The following SLIT3 variants were observed in gnomAD, a reference collection of about 807,000 sequenced individuals.
The protein encoded by SLIT3 is slit homolog 3 protein.
A neutral mutation model predicts 184.0 loss-of-function variants in SLIT3; 68 were observed. That is an observed-to-expected ratio of 0.37 (90% CI 0.30 to 0.45). The LOEUF (loss-of-function observed/expected upper bound fraction) is 0.45, where lower values mean the gene tolerates loss of function less well. SLIT3 is among the 20% of genes least tolerant of loss of function. The probability of loss-of-function intolerance (pLI) is 1.00; values close to 1 mark genes in which losing one functional copy is unlikely to be tolerated. For missense variants in SLIT3, 1,707 were observed against 2,026.0 expected (o/e 0.84, Z 3.02); for synonymous variants, 831 against 828.6 (o/e 1.00, Z -0.05).
At chr5:168,999,091 G>T (rs1209532745) in intron 4 of SLIT3, among the ~76,000 whole-genome samples, 3 of 152,040 alleles carry the variant, frequency 2.0e-5, no homozygotes, top group African/African-American at 7.2e-5. Context: ...TTTTAAATTT[G>T]TTTTTTTAGA....
At chr5:168,868,248 G>T (rs1759378011) in intron 5 of SLIT3, among the ~76,000 whole-genome samples, 2 of 152,122 alleles carry the variant, frequency 1.3e-5, no homozygotes, top group Non-Finnish European at 2.9e-5. Flanking sequence ...CACCTACTTT[G>T]TGCCAGGCTC....
intron 4 of SLIT3, among the ~76,000 whole-genome samples, chr5:168,965,989 T>TC (rs1763173372): frequency 6.6e-6 from 1 of 151,828 alleles, no homozygotes; most frequent in African/African-American, 2.4e-5. Context: ...AGCGTGTGGT[T>TC]CTCTTACCTA....
chr5:169,273,443 GA>G (rs1402158927), intron 1 of SLIT3, among the ~76,000 whole-genome samples: 1 of 152,188 alleles, frequency 6.6e-6, no homozygotes, highest in Non-Finnish European at 1.5e-5. Flanking sequence ...TTGCCCAGGA[GA>G]AAGTCATGCA....
At chr5:168,956,728 G>A (rs1350457180) in intron 4 of SLIT3, among the ~76,000 whole-genome samples, 1 of 152,046 alleles carries the variant, frequency 6.6e-6, no homozygotes, top group Non-Finnish European at 1.5e-5. Context: ...AGGAGGCAGA[G>A]GTTGCAGTGA....
At position 168,664,682 on chromosome 5, in the gene SLIT3, C is replaced by T. The variant is rs954526300; in HGVS notation, c.*1772G>A. 1 of 152,226 alleles carries T rather than the reference C, an allele frequency of 6.6e-6. No individual in the cohort carries two copies. The highest frequency in any genetic ancestry group is 1.5e-5 in the Non-Finnish European group (1 of 68,100). The allele number at this position is 152,226 out of a possible 1,614,324, so 9.4% of individuals were successfully genotyped here. ...GTCCAATGAATTCCAAACTCTTCTCCCTGAAACTCCTACAGTGGAAGCTCC... is the reference window on the plus strand; with the variant it reads ...GTCCAATGAATTCCAAACTCTTCTCTCTGAAACTCCTACAGTGGAAGCTCC... On this transcript the variant is annotated 3_prime_UTR_variant, in exon 36 of 36. Coordinates refer to ENST00000519560, the MANE Select transcript of SLIT3 (RefSeq NM_003062.4).
intron 4 of SLIT3, among the ~76,000 whole-genome samples, chr5:168,885,586 G>C (rs936544932): frequency 5.3e-5 from 8 of 152,192 alleles, no homozygotes; most frequent in African/African-American, 1.9e-4. Flanking sequence ...AATGAAGCTG[G>C]TCTGTAGGCC....
At chr5:169,238,648 G>A (rs887732473) in intron 3 of SLIT3, among the ~76,000 whole-genome samples, 8 of 146,988 alleles carry the variant, frequency 5.4e-5, no homozygotes, top group Non-Finnish European at 8.9e-5. Context: ...TGACTCTTCT[G>A]GTGAATTCTA....
intron 1 of SLIT3, among the ~76,000 whole-genome samples, chr5:169,296,742 T>C (rs717594): frequency 0.018 from 2,705 of 152,352 alleles, 40 homozygotes; most frequent in Middle Eastern, 0.068. Flanking sequence ...GAAAATTAAG[T>C]TACCACATTC....
intron 1 of SLIT3, among the ~76,000 whole-genome samples, chr5:169,280,038 C>T (rs1330666622): frequency 1.3e-5 from 2 of 152,198 alleles, no homozygotes; most frequent in Non-Finnish European, 2.9e-5. Flanking sequence ...CGGAGATTTG[C>T]CCAGGATTAT....
intron 4 of SLIT3, among the ~76,000 whole-genome samples, chr5:168,979,571 T>A (rs1206164080): frequency 6.6e-6 from 1 of 152,218 alleles, no homozygotes; most frequent in African/African-American, 2.4e-5. Context: ...TCTCCAAGAA[T>A]GAGTTTTCCA....
intron 5 of SLIT3, among the ~76,000 whole-genome samples, chr5:168,856,284 G>A (rs1758861783): frequency 6.6e-6 from 1 of 152,188 alleles, no homozygotes; most frequent in Admixed American, 6.5e-5. Flanking sequence ...GGAACTTTAT[G>A]AGACCACCCC....
chr5:168,711,305 T>G (rs1762552649), intron 24 of SLIT3, among the ~76,000 whole-genome samples: 1 of 152,150 alleles, frequency 6.6e-6, no homozygotes, highest in African/African-American at 2.4e-5. Context: ...CCTACGCAAG[T>G]AAGACTCACT....
chr5:168,841,062 T>C (rs1758229905), intron 6 of SLIT3, among the ~76,000 whole-genome samples: 1 of 152,198 alleles, frequency 6.6e-6, no homozygotes, highest in South Asian at 2.1e-4. Context: ...GAGTCATTGC[T>C]AGTTTGCCTC....
At chr5:168,920,562 G>A (rs184339582) in intron 4 of SLIT3, among the ~76,000 whole-genome samples, 7 of 152,244 alleles carry the variant, frequency 4.6e-5, no homozygotes, top group East Asian at 1.9e-4. Context: ...ACAGCTCCCC[G>A]ACTTCCTTAT....
At chr5:169,009,500 C>G (rs148036726) in intron 4 of SLIT3, among the ~76,000 whole-genome samples, 246 of 152,360 alleles carry the variant, frequency 1.6e-3, no homozygotes, top group African/African-American at 5.6e-3. Context: ...CCCCCTGGCC[C>G]CACCCAGACA....
At chr5:168,907,268 T>C (rs993694076) in intron 4 of SLIT3, among the ~76,000 whole-genome samples, 7 of 152,198 alleles carry the variant, frequency 4.6e-5, no homozygotes, top group Admixed American at 1.3e-4. Flanking sequence ...AGCCACAGCT[T>C]TGGGTCAGCT....
intron 5 of SLIT3, among the ~76,000 whole-genome samples, chr5:168,881,966 G>A (rs1466946): frequency 0.31 from 47,318 of 152,002 alleles, 9,884 homozygotes; most frequent in African/African-American, 0.59. Flanking sequence ...AGCCCCTTGC[G>A]AAGTCCTCTC....
rs776454463 is a variant in SLIT3 at position 168,749,583 on chromosome 5, T to G, written c.2026A>C (p.Lys676Gln). 1.9e-6 allele frequency: 3 copies of G among 1,614,064 alleles called. No homozygotes were observed. The African/African-American group carries it at 4.0e-5, about 22-fold the overall frequency. ...ACGATCCGCCTCTTCCTCAACCACT[T>G]GCCGAGCCAGGCCAGGTGGCAGTTG... ...NCNCHLAWLGKWLRKRRIVSG... is the reference protein window; with the variant it reads ...NCNCHLAWLGQWLRKRRIVSG... The change falls in exon 19 of 36, where the codon AAG (lysine) becomes CAG (glutamine). Residue 676 changes from lysine (K) to glutamine (Q), a missense_variant. Around this residue, in one of 3 missense-constraint regions of SLIT3, gnomAD observed 1,307 missense variants for 1,511.6 expected, o/e 0.86. Transcript: ENST00000519560.
At chr5:168,775,227 G>A (rs1265488661) in intron 12 of SLIT3, among the ~76,000 whole-genome samples, 1 of 151,664 alleles carries the variant, frequency 6.6e-6, no homozygotes, top group Non-Finnish European at 1.5e-5. Flanking sequence ...TAGTAGAGAC[G>A]GGGTTTCACC....
Sources: gnomAD v4.1 joint callset for allele counts (sites outside exome capture counted in the v4.1 genomes callset) on GRCh38, gnomAD v4.1.1 for gene constraint, gnomAD v4.1.1 regional missense constraint, MANE v1.5 for transcripts, NCBI Gene and HGNC (gene_info 2026-07-23, HGNC 2026-07-21) for gene names.